MAP6: variants seen among roughly 807,000 people sequenced by gnomAD.
MAP6 encodes microtubule-associated protein 6.
A neutral mutation model predicts 42.4 loss-of-function variants in MAP6; 26 were observed. The observed-to-expected ratio is 0.61, with a 90% CI of 0.45 to 0.85. The LOEUF (loss-of-function observed/expected upper bound fraction) is 0.85, where lower values mean the gene tolerates loss of function less well. Ranked by LOEUF, MAP6 falls within the 40% of genes least tolerant of loss-of-function variation. MAP6 has a pLI of 0.00. For missense variants in MAP6, 966 were observed against 1,099.0 expected (o/e 0.88, Z 1.71); for synonymous variants, 418 against 443.8 (o/e 0.94, Z 0.73).
chr11:75,668,475 C>T lies in MAP6; in HGVS notation c.-106G>A. On this transcript the variant is annotated 5_prime_UTR_variant, in exon 1 of 4. Transcript: ENST00000304771. The stretch of plus-strand genomic sequence containing the variant: ...CCTGACCGGCCAATGTGGTTCCCAC[C>T]GTTTTCTACCCCCGATCAGCCGGAG... 1 of 1,380,298 alleles carries T rather than the reference C, an allele frequency of 7.2e-7. No individual in the cohort carries two copies. Among genetic ancestry groups the T allele is most frequent in the Non-Finnish European group, 9.4e-7 (1 of 1,065,862 alleles). 85.5% of individuals were successfully genotyped at this position (1,380,298 alleles called of 1,614,324 possible). A position where few individuals can be genotyped will look rare whatever the true frequency, so the allele number is the denominator to read the frequency against.
At chr11:75,639,202 C>T (rs750973432) in intron 1 of MAP6, among the ~76,000 whole-genome samples, 19 of 152,110 alleles carry the variant, frequency 1.2e-4, no homozygotes, top group Non-Finnish European at 2.2e-4. Flanking sequence ...CTACAATATA[C>T]GCTATTTGGG....
At chr11:75,588,792 A>G (rs943830057) in intron 3 of MAP6, among the ~76,000 whole-genome samples, 3 of 152,210 alleles carry the variant, frequency 2.0e-5, no homozygotes, top group African/African-American at 4.8e-5. Flanking sequence ...TATCACTGAC[A>G]TTGTATAGAA....
At chr11:75,614,305 T>C (rs953684602) in intron 1 of MAP6, among the ~76,000 whole-genome samples, 1 of 152,204 alleles carries the variant, frequency 6.6e-6, no homozygotes, top group Non-Finnish European at 1.5e-5. Flanking sequence ...TCCATATAAC[T>C]TCCTACAATA....
At chr11:75,629,990 C>A (rs903543147) in intron 1 of MAP6, among the ~76,000 whole-genome samples, 9 of 152,178 alleles carry the variant, frequency 5.9e-5, no homozygotes, top group Non-Finnish European at 2.9e-5. Context: ...AAGGCTAGGA[C>A]CTACCTTAGA....
intron 1 of MAP6, among the ~76,000 whole-genome samples, chr11:75,648,852 A>C (rs562830548): frequency 1.8e-4 from 27 of 152,336 alleles, no homozygotes; most frequent in African/African-American, 6.0e-4. Context: ...TTTGACTCAA[A>C]ATCAGGGAAA....
chr11:75,613,586 G>A (rs1942944087), intron 1 of MAP6, among the ~76,000 whole-genome samples: 1 of 152,078 alleles, frequency 6.6e-6, no homozygotes, highest in African/African-American at 2.4e-5. Flanking sequence ...CATCACCAAA[G>A]GCCCGCTGTC....
At chr11:75,626,158 C>T (rs116640769) in intron 1 of MAP6, among the ~76,000 whole-genome samples, 115 of 152,322 alleles carry the variant, frequency 7.5e-4, no homozygotes, top group African/African-American at 2.7e-3. Context: ...AGCATATATC[C>T]TCTCTGAACT....
intron 1 of MAP6, chr11:75,642,809 T>G: frequency 7.2e-6 from 3 of 416,690 alleles, no homozygotes; most frequent in South Asian, 5.6e-5. Flanking sequence ...ACCTAAAAAT[T>G]GTCACCGCAG....
intron 3 of MAP6, among the ~76,000 whole-genome samples, chr11:75,598,572 C>T (rs1942620201): frequency 6.6e-6 from 1 of 152,250 alleles, no homozygotes. Flanking sequence ...GCTGTGACCT[C>T]TCACAAAACT....
At chr11:75,647,615 T>C (rs1326861610) in intron 1 of MAP6, among the ~76,000 whole-genome samples, 1 of 151,960 alleles carries the variant, frequency 6.6e-6, no homozygotes, top group African/African-American at 2.4e-5. Flanking sequence ...AGAAAACGTA[T>C]AGGAAAAATC....
intron 1 of MAP6, among the ~76,000 whole-genome samples, chr11:75,644,769 T>C (rs187419040): frequency 6.6e-6 from 1 of 152,320 alleles, no homozygotes; most frequent in East Asian, 1.9e-4. Context: ...ATACAATGAT[T>C]TATATAGAAA....
intron 1 of MAP6, among the ~76,000 whole-genome samples, chr11:75,658,398 C>CT (rs1338333987): frequency 3.8e-5 from 2 of 53,212 alleles, no homozygotes; most frequent in South Asian, 7.3e-4. Flanking sequence ...ATTTCTCCAC[C>CT]CCCCCCGCCC....
chr11:75,624,096 C>G (rs1943157788), intron 1 of MAP6, among the ~76,000 whole-genome samples: 1 of 152,220 alleles, frequency 6.6e-6, no homozygotes, highest in Non-Finnish European at 1.5e-5. Flanking sequence ...ATCTCTCTTT[C>G]TTTTCACATT....
rs567887354 is a variant in MAP6 at position 75,611,101 on chromosome 11, T to C, written c.906-2779A>G. Among the ~76,000 whole-genome samples, 187 of 152,342 alleles carry C rather than the reference T, an allele frequency of 1.2e-3. 4 individuals are homozygous for C. Among genetic ancestry groups the C allele is most frequent in the Non-Finnish European group, 1.5e-3 (101 of 68,030 alleles). On this transcript the variant is annotated intron_variant, in intron 1 of 3. Transcript: ENST00000304771. The stretch of plus-strand genomic sequence containing the variant: ...CTGGCCCAGGGAACATTTGGGGCTG[T>C]GGCCACCGTTACCTGCCAGAGGCTA...
intron 1 of MAP6, among the ~76,000 whole-genome samples, chr11:75,646,547 G>A (rs1461701522): frequency 6.8e-6 from 1 of 147,660 alleles, no homozygotes; most frequent in Non-Finnish European, 1.5e-5. Context: ...GCTAATGCCT[G>A]TAATCTCAGC....
intron 1 of MAP6, among the ~76,000 whole-genome samples, chr11:75,613,937 A>C (rs899555523): frequency 3.3e-5 from 5 of 152,184 alleles, no homozygotes; most frequent in African/African-American, 1.2e-4. Flanking sequence ...TTGAACAGCC[A>C]TATAGTCACA....
intron 1 of MAP6, among the ~76,000 whole-genome samples, chr11:75,632,200 G>A (rs1943295180): frequency 6.6e-6 from 1 of 152,158 alleles, no homozygotes; most frequent in Non-Finnish European, 1.5e-5. Flanking sequence ...CATGGGGGTA[G>A]AGGGTGCCTT....
intron 3 of MAP6, chr11:75,603,583 T>A (rs879180116): frequency 1.5e-4 from 124 of 813,798 alleles, no homozygotes; most frequent in Non-Finnish European, 1.7e-4. Context: ...AGTTGGTCCC[T>A]GGGGCAGTGA....
chr11:75,629,413 C>T (rs1434823390), intron 1 of MAP6, among the ~76,000 whole-genome samples: 1 of 152,022 alleles, frequency 6.6e-6, no homozygotes, highest in African/African-American at 2.4e-5. Context: ...TATCGTGTCT[C>T]TGCTTGGGAC....
Sources: gnomAD v4.1 joint callset for allele counts (sites outside exome capture counted in the v4.1 genomes callset) on GRCh38, gnomAD v4.1.1 for gene constraint, MANE v1.5 for transcripts, NCBI Gene and HGNC (gene_info 2026-07-23, HGNC 2026-07-21) for gene names.